The following PEX19 variants were observed in gnomAD, a reference collection of about 807,000 sequenced individuals.
PEX19 encodes the protein peroxisomal biogenesis factor 19.
In PEX19, 29 loss-of-function variants were observed where a neutral mutation model predicts 36.3. That is an observed-to-expected ratio of 0.80 (90% CI 0.60 to 1.09). The LOEUF (loss-of-function observed/expected upper bound fraction) is 1.09, where lower values mean the gene tolerates loss of function less well. PEX19 is among the 50% of genes least tolerant of loss of function. The pLI is 0.00. For synonymous variants in PEX19, 141 were observed against 135.2 expected (o/e 1.04, Z -0.30); for missense variants, 396 against 368.1 (o/e 1.08, Z -0.62).
At chr1:160,281,456 C>A (rs547989662) in intron 5 of PEX19, among the ~76,000 whole-genome samples, 5 of 152,148 alleles carry the variant, frequency 3.3e-5, no homozygotes, top group Admixed American at 3.3e-4. Context: ...TCACCCAGGC[C>A]GGAGTACAGT....
intron 6 of PEX19, 78 bp downstream of exon 6, chr1:160,279,992 A>T: frequency 6.9e-7 from 1 of 1,453,812 alleles, no homozygotes; most frequent in Non-Finnish European, 9.7e-7. Flanking sequence ...GTCTAGCAGT[A>T]TTGCATCCTT....
In PEX19 at chr1:160,277,046, C is replaced by T. The variant is rs1391273820; in HGVS notation, c.*2505G>A. 3 of 453,862 alleles carry T rather than the reference C, an allele frequency of 6.6e-6. No individual in the cohort carries two copies. The highest frequency in any genetic ancestry group is 1.3e-5 in the Non-Finnish European group (3 of 226,780). The allele number at this position is 453,862 out of a possible 1,614,324, so 28.1% of individuals were successfully genotyped here. ...TGTCCTTACTAGTGACACATTCTTGCTGAAGAACAAGTTCTCTGGAAGTGA... is the reference window on the plus strand; with the variant it reads ...TGTCCTTACTAGTGACACATTCTTGTTGAAGAACAAGTTCTCTGGAAGTGA... On this transcript the variant is annotated 3_prime_UTR_variant, in exon 8 of 8. Coordinates refer to ENST00000368072, the MANE Select transcript of PEX19 (RefSeq NM_002857.4).
At position 160,279,528 on chromosome 1, in the gene PEX19, CAGAG is replaced by C. The variant is rs1433477800; in HGVS notation, c.*19_*22del. ...CCAGATGTTCCCCATAGCTGGGACT[CAGAG>C]AGGAAAACGTGTTGTGTTTCACATG... On this transcript the variant is annotated 3_prime_UTR_variant, in exon 8 of 8. Transcript: ENST00000368072. The C allele has an allele frequency of 6.3e-7, 1 of 1,598,002 alleles. No individual in the cohort carries two copies. Among genetic ancestry groups the C allele is most frequent in the Non-Finnish European group, 8.6e-7 (1 of 1,165,452 alleles).
In PEX19 at chr1:160,282,127, C is replaced by T. The variant is rs748793476; in HGVS notation, c.506G>A (p.Gly169Glu). 5 of 1,612,420 alleles carry T rather than the reference C, an allele frequency of 3.1e-6. No individual in the cohort carries two copies. The highest frequency in any genetic ancestry group is 4.2e-6 in the Non-Finnish European group (5 of 1,178,474). Reference sequence around the variant, plus strand: ...ACTCTGCATGATGGGGAGGATGTTCCCTTCCCCATCCCCTTCGTCCATGCC... The same window carrying T: ...ACTCTGCATGATGGGGAGGATGTTCTCTTCCCCATCCCCTTCGTCCATGCC... ...GLGMDEGDGE[G>E]NILPIMQSIM... The change falls in exon 5 of 8, where the codon GGG becomes GAG. Residue 169 changes from glycine to glutamate, a missense_variant. Gly to Glu is a moderately conservative substitution (Grantham distance 98, BLOSUM62 -2). Coordinates refer to ENST00000368072, the MANE Select transcript of PEX19 (RefSeq NM_002857.4).
chr1:160,282,198 G>T lies in PEX19; in HGVS notation c.435C>A (p.Asn145Lys), dbSNP rs771657561. ...TCAGCTCTTCTTCCGACATGCTGGA[G>T]TTCTAGATAGGACAAGTAAGAGGTG... ...GLAKNATDLQ[N>K]SSMSEEELTK... is the part of the protein sequence containing the mutation. The change falls in exon 5 of 8, where the codon AAC becomes AAA. Residue 145 changes from asparagine to lysine, a missense_variant and splice_region_variant. Transcript: ENST00000368072. The T allele has an allele frequency of 7.4e-6, 12 of 1,614,062 alleles. No individual in the cohort carries two copies. In the Admixed American group the frequency reaches 8.3e-5, roughly 11 times the overall value.
At position 160,281,928 on chromosome 1, in the gene PEX19, A is replaced by G. The variant is rs1001812182; in HGVS notation, c.594+111T>C. ...CTGCCTCAAATAAATAAAGAAGGAA[A>G]AAAAGCACACTCGAGTTACTCTTTC... On this transcript the variant is annotated intron_variant, in intron 5 of 7. Coordinates refer to ENST00000368072, the MANE Select transcript of PEX19 (RefSeq NM_002857.4). 4.3e-6 allele frequency: 4 copies of G among 929,808 alleles called. No individual in the cohort carries two copies. The African/African-American group carries it at 4.9e-5, about 11-fold the overall frequency. The allele number at this position is 929,808 out of a possible 1,614,324, so 57.6% of individuals were successfully genotyped here.
intron 5 of PEX19, 118 bp from the exon 6 acceptor site, chr1:160,280,364 A>G: frequency 1.1e-6 from 1 of 950,290 alleles, no homozygotes; most frequent in Non-Finnish European, 1.7e-6. Flanking sequence ...GAAAAGCTAA[A>G]TAAGTAAGTT....
At position 160,279,846 on chromosome 1, in the gene PEX19, C is replaced by G. The variant is rs755675663; in HGVS notation, c.772-1G>C. The G allele has an allele frequency of 6.2e-7, 1 of 1,612,116 alleles. No homozygotes were observed. Among genetic ancestry groups the G allele is most frequent in the South Asian group, 1.1e-5 (1 of 91,052 alleles). On this transcript the variant is annotated splice_acceptor_variant, in intron 6 of 7. Coordinates refer to ENST00000368072, the MANE Select transcript of PEX19 (RefSeq NM_002857.4). LOFTEE classifies it high-confidence loss of function. ...TTGGAGGATGGCCTAAATCTTGTAG[C>G]TAGAAAATAAGGAAAATGGAACATG...
intron 5 of PEX19, among the ~76,000 whole-genome samples, chr1:160,280,765 C>T (rs1399265008): frequency 6.6e-6 from 1 of 152,120 alleles, no homozygotes; most frequent in African/African-American, 2.4e-5. Context: ...GCAATCTGTC[C>T]ACCGTGGCCT....
rs540593146 is a variant in PEX19 at position 160,283,548 on chromosome 1, C to T, written c.162G>A (p.Ser54=). Residue 54 remains serine, a synonymous_variant, in exon 2 of 8, where the codon TCG becomes TCA. Coordinates refer to ENST00000368072, the MANE Select transcript of PEX19 (RefSeq NM_002857.4). ...APDASGPQKR[S]PGDTAKDALF... is the part of the protein sequence containing the mutation. Reference sequence around the variant, plus strand: ...TTTATACTTTGGCAGTGTCTCCTGGCGATCTCTTCTGGGGCCCCGAAGCAT... The same window carrying T: ...TTTATACTTTGGCAGTGTCTCCTGGTGATCTCTTCTGGGGCCCCGAAGCAT... 2.5e-5 allele frequency: 41 copies of T among 1,612,704 alleles called. No homozygotes were observed. Among genetic ancestry groups the T allele is most frequent in the South Asian group, 2.0e-4 (18 of 91,044 alleles).
intron 5 of PEX19, among the ~76,000 whole-genome samples, chr1:160,281,750 G>A (rs923399384): frequency 6.6e-6 from 1 of 152,178 alleles, no homozygotes; most frequent in Non-Finnish European, 1.5e-5. Context: ...AGATTGATCA[G>A]ACAACAATCC....
chr1:160,282,248 T>C, intron 4 of PEX19, 48 bp from the exon 5 acceptor site: 1 of 1,590,324 alleles, frequency 6.3e-7, no homozygotes, highest in Non-Finnish European at 8.6e-7. Flanking sequence ...CTTCTTGGGA[T>C]GCTCACCACT....
At chr1:160,282,394 G>A in intron 4 of PEX19, 23 bp downstream of exon 4, 1 of 1,578,892 alleles carries the variant, frequency 6.3e-7, no homozygotes, top group Non-Finnish European at 8.7e-7. Flanking sequence ...ACCCCTTGTG[G>A]GCCCCTACTA....
Position 160,277,169 on chromosome 1 carries a change from A to G in PEX19, c.*2382T>C. 1 of 454,918 alleles carries G rather than the reference A, an allele frequency of 2.2e-6. No homozygotes were observed. The highest frequency in any genetic ancestry group is 4.4e-6 in the Non-Finnish European group (1 of 226,720). 28.2% of individuals were successfully genotyped at this position (454,918 alleles called of 1,614,324 possible). A position where few individuals can be genotyped will look rare whatever the true frequency, so the allele number is the denominator to read the frequency against. Reference sequence around the variant, plus strand: ...CCCAAAACAGTGCTACTCAAAGATGATCTGCAGACTTGTGCTGGTCAGTGA... The same window carrying G: ...CCCAAAACAGTGCTACTCAAAGATGGTCTGCAGACTTGTGCTGGTCAGTGA... On this transcript the variant is annotated 3_prime_UTR_variant, in exon 8 of 8. Coordinates refer to ENST00000368072, the MANE Select transcript of PEX19 (RefSeq NM_002857.4).
At chr1:160,284,885 G>A (rs550665942) in intron 1 of PEX19, among the ~76,000 whole-genome samples, 170 bp downstream of exon 1, 1 of 152,288 alleles carries the variant, frequency 6.6e-6, no homozygotes, top group South Asian at 2.1e-4. Flanking sequence ...TCGCCGGGGT[G>A]GGGCAGGATG....
chr1:160,278,901 C>T lies in PEX19; in HGVS notation c.*650G>A, dbSNP rs1170393924. On this transcript the variant is annotated 3_prime_UTR_variant, in exon 8 of 8. Coordinates refer to ENST00000368072, the MANE Select transcript of PEX19 (RefSeq NM_002857.4). ...AGCATTGTAGGAAGAAGCAGGGTAA[C>T]CATTTGAGTTCTCAGCCTGGAACAG... 6.6e-6 allele frequency: 3 copies of T among 453,886 alleles called. No individual in the cohort carries two copies. The highest frequency in any genetic ancestry group is 6.0e-5 in the African/African-American group (3 of 49,976). The allele number at this position is 453,886 out of a possible 1,614,324, so 28.1% of individuals were successfully genotyped here.
Position 160,283,435 on chromosome 1 carries a change from C to T in PEX19, c.180+95G>A, listed in dbSNP as rs1657868169. ...ACCAATGTGAGGCCAAGGTACCCTC[C>T]CACATTCCCCTCTGGCCCATAGGGG... On this transcript the variant is annotated intron_variant, in intron 2 of 7. Transcript: ENST00000368072. 5 of 866,000 alleles carry T rather than the reference C, an allele frequency of 5.8e-6. No individual in the cohort carries two copies. The South Asian group carries it at 6.6e-5, about 11-fold the overall frequency. The allele number at this position is 866,000 out of a possible 1,614,324, so 53.6% of individuals were successfully genotyped here.
chr1:160,280,211 T>C lies in PEX19; in HGVS notation c.630A>G (p.Leu210=), dbSNP rs202174805. Residue 210 remains leucine (L), a synonymous_variant, in exon 6 of 8, where the codon CTA becomes CTG. Coordinates refer to ENST00000368072, the MANE Select transcript of PEX19 (RefSeq NM_002857.4). The part of the protein sequence containing the change: ...PEWLQSHRES[L]PPEQFEKYQE... ...GATATTTTTCAAACTGCTCTGGAGG[T>C]AGAGATTCCCGATGACTCTGCAACC... 11 of 1,613,932 alleles carry C rather than the reference T, an allele frequency of 6.8e-6. No homozygotes were observed. In the African/African-American group the frequency reaches 9.3e-5, roughly 14 times the overall value.
At chr1:160,284,190 A>G (rs1243984793) in intron 1 of PEX19, 2 of 471,560 alleles carry the variant, frequency 4.2e-6, no homozygotes, top group Non-Finnish European at 8.8e-6. Flanking sequence ...GTGCTCCCCA[A>G]CAACCTTCTA....
Sources: allele counts gnomAD v4.1 joint callset (sites outside exome capture counted in the v4.1 genomes callset), GRCh38; gene constraint gnomAD v4.1.1; transcripts MANE v1.5; gene names NCBI Gene and HGNC (gene_info 2026-07-23, HGNC 2026-07-21).